The following EXTL1 variants were observed in gnomAD, a reference collection of about 807,000 sequenced individuals.
The protein encoded by EXTL1 is exostosin like glycosyltransferase 1, also known as exostosin-like 1.
Under a neutral mutation model 64.6 loss-of-function variants are expected in EXTL1, and 43 were observed. That is an observed-to-expected ratio of 0.67 (90% CI 0.52 to 0.86). EXTL1 has a LOEUF of 0.86. Ranked by LOEUF, EXTL1 falls within the 40% of genes least tolerant of loss-of-function variation. The pLI, the probability that EXTL1 is intolerant of heterozygous loss-of-function variation, is 0.00. For synonymous variants in EXTL1, 352 were observed against 360.5 expected (o/e 0.98, Z 0.27); for missense variants, 766 against 879.0 (o/e 0.87, Z 1.62).
Position 26,033,886 on chromosome 1 carries a change from G to T in EXTL1, c.1679+30G>T, listed in dbSNP as rs765780640. The T allele has an allele frequency of 1.3e-6, 2 of 1,584,466 alleles. No individual in the cohort carries two copies. Among genetic ancestry groups the T allele is most frequent in the Non-Finnish European group, 1.7e-6 (2 of 1,162,676 alleles). On this transcript the variant is annotated intron_variant, in intron 9 of 10. Transcript: ENST00000374280. This position sits in a 1 kb window ranked among gnomAD's most constrained non-coding sequence, Gnocchi z 5.1. ...AGACCCCTACCCTGCACAGGGATCAGAGTATCAGAGGACCAGAGACCCCAC... is the reference window on the plus strand; with the variant it reads ...AGACCCCTACCCTGCACAGGGATCATAGTATCAGAGGACCAGAGACCCCAC...
rs755487308 is a variant in EXTL1, at chr1:26,033,186, G to T, written c.1432-43G>T. 1 of 1,362,778 alleles carries T rather than the reference G, an allele frequency of 7.3e-7. No individual in the cohort carries two copies. Among genetic ancestry groups the T allele is most frequent in the Non-Finnish European group, 1.1e-6 (1 of 951,494 alleles). 84.4% of individuals were successfully genotyped at this position (1,362,778 alleles called of 1,614,324 possible). A position where few individuals can be genotyped will look rare whatever the true frequency, so the allele number is the denominator to read the frequency against. On this transcript the variant is annotated intron_variant, in intron 7 of 10. Coordinates refer to ENST00000374280, the MANE Select transcript of EXTL1 (RefSeq NM_004455.3). This position sits in a 1 kb window ranked among gnomAD's most constrained non-coding sequence, Gnocchi z 5.1. ...TCCTACTTATTGGATGGGGGTGGGG[G>T]GAATGTTCCAATGGCTGAGTTCCCC...
rs533030734 is a variant in EXTL1, at chr1:26,034,388, C to A, written c.1680-448C>A. Among the ~76,000 whole-genome samples the A allele has an allele frequency of 3.2e-4, 49 of 152,322 alleles. No homozygotes were observed. The highest frequency in any genetic ancestry group is 5.6e-4 in the Non-Finnish European group (38 of 68,042). ...TCTTATAGATTACTCAGGAGCTCTGCAGGGAATTCTCAGTAGAGTGAAGAA... is the reference window on the plus strand; with the variant it reads ...TCTTATAGATTACTCAGGAGCTCTGAAGGGAATTCTCAGTAGAGTGAAGAA... On this transcript the variant is annotated intron_variant, in intron 9 of 10. Transcript: ENST00000374280. This position sits in a 1 kb window ranked among gnomAD's most constrained non-coding sequence, Gnocchi z 4.6.
rs781485312 is a variant in EXTL1 at position 26,023,117 on chromosome 1, G to A, written c.471G>A (p.Arg157=). 8.7e-6 allele frequency: 14 copies of A among 1,613,800 alleles called. No homozygotes were observed. In the Middle Eastern group the frequency reaches 4.9e-4, roughly 57 times the overall value. ...TGCCTCTGCAATGGAACAGGGGCAG[G>A]AACCATCTGGTCCTCCGTCTCCACC... ...SSMPLQWNRG[R]NHLVLRLHPA... Residue 157 remains arginine, a synonymous_variant, in exon 1 of 11, where the codon AGG becomes AGA. Coordinates refer to ENST00000374280, the MANE Select transcript of EXTL1 (RefSeq NM_004455.3).
rs2050329417 is a variant in EXTL1, at chr1:26,035,428, T to C, written c.*81T>C. On this transcript the variant is annotated 3_prime_UTR_variant, in exon 11 of 11. Coordinates refer to ENST00000374280, the MANE Select transcript of EXTL1 (RefSeq NM_004455.3). The surrounding 1 kb of genome is among the most constrained non-coding windows in gnomAD (Gnocchi z 5.3). ...GGCGCCTGCCGGCGGGCTCCGCTCTTGGGACACCGGAGAACCTATCATGTC... is the reference window on the plus strand; with the variant it reads ...GGCGCCTGCCGGCGGGCTCCGCTCTCGGGACACCGGAGAACCTATCATGTC... 1 of 1,331,572 alleles carries C rather than the reference T, an allele frequency of 7.5e-7. No individual in the cohort carries two copies. Among genetic ancestry groups the C allele is most frequent in the Non-Finnish European group, 1.0e-6 (1 of 976,650 alleles). 82.5% of individuals were successfully genotyped at this position (1,331,572 alleles called of 1,614,324 possible). A position where few individuals can be genotyped will look rare whatever the true frequency, so the allele number is the denominator to read the frequency against.
chr1:26,033,737 G>A lies in EXTL1; in HGVS notation c.1560G>A (p.Arg520=). Residue 520 remains arginine, a synonymous_variant, in exon 9 of 11, where the codon CGG becomes CGA. Coordinates refer to ENST00000374280, the MANE Select transcript of EXTL1 (RefSeq NM_004455.3). This position sits in a 1 kb window ranked among gnomAD's most constrained non-coding sequence, Gnocchi z 5.1. ...AFLVWQSFPE[R]MVGFLTSSHF... ...TGGTGTGGCAGAGCTTCCCAGAGCG[G>A]ATGGTGGGCTTCCTGACGTCGAGCC... 1 of 1,614,196 alleles carries A rather than the reference G, an allele frequency of 6.2e-7. No individual in the cohort carries two copies. Among genetic ancestry groups the A allele is most frequent in the Non-Finnish European group, 8.5e-7 (1 of 1,180,016 alleles).
At chr1:26,029,068 T>C in intron 1 of EXTL1, 125 bp from the exon 2 acceptor site, 2 of 638,362 alleles carry the variant, frequency 3.1e-6, no homozygotes, top group East Asian at 5.4e-5. Context: ...CATGAGTGGG[T>C]TTACACATTT....
chr1:26,034,928 T>G lies in EXTL1; in HGVS notation c.1772T>G (p.Phe591Cys). The part of the protein sequence containing the change: ...APTCVDVLMN[F>C]IVAAVTKLPP... ...ACCTGTGTGGACGTCCTGATGAATT[T>G]CATAGTAGCAGCAGTCACCAAGCTG... Residue 591 changes from phenylalanine to cysteine, a missense_variant, in exon 10 of 11, where the codon TTC becomes TGC. By Grantham distance (205) the Phe-to-Cys change is radical (BLOSUM62 -2). Around this residue, in one of 3 missense-constraint regions of EXTL1, gnomAD observed 194 missense variants for 214.5 expected, o/e 0.90. Coordinates refer to ENST00000374280, the MANE Select transcript of EXTL1 (RefSeq NM_004455.3). This position sits in a 1 kb window ranked among gnomAD's most constrained non-coding sequence, Gnocchi z 4.6. 1 of 1,614,184 alleles carries G rather than the reference T, an allele frequency of 6.2e-7. No individual in the cohort carries two copies. The highest frequency in any genetic ancestry group is 8.5e-7 in the Non-Finnish European group (1 of 1,180,020).
rs183795287 is a variant in EXTL1 at position 26,026,343 on chromosome 1, G to A, written c.780-2850G>A. The stretch of plus-strand genomic sequence containing the variant: ...AAGTCTTTCTCTGTCACCCAGGCTG[G>A]AGTGCAATGGCACAATCTTGGCTCA... On this transcript the variant is annotated intron_variant, in intron 1 of 10. Coordinates refer to ENST00000374280, the MANE Select transcript of EXTL1 (RefSeq NM_004455.3). Among the ~76,000 whole-genome samples the A allele has an allele frequency of 3.8e-3, 557 of 147,902 alleles. 5 individuals are homozygous for A. Among genetic ancestry groups the A allele is most frequent in the African/African-American group, 0.013 (535 of 40,148 alleles).
rs1158097416 is a variant in EXTL1, at chr1:26,035,802, G to A, written c.*455G>A. On this transcript the variant is annotated 3_prime_UTR_variant, in exon 11 of 11. Coordinates refer to ENST00000374280, the MANE Select transcript of EXTL1 (RefSeq NM_004455.3). The surrounding 1 kb of genome is among the most constrained non-coding windows in gnomAD (Gnocchi z 5.3). ...GTGTCCTTTTCTCTCTGGCTAGGCAGGTGTGCCGCAAATATTTGACGAATA... is the reference window on the plus strand; with the variant it reads ...GTGTCCTTTTCTCTCTGGCTAGGCAAGTGTGCCGCAAATATTTGACGAATA... The A allele has an allele frequency of 6.2e-6, 1 of 160,832 alleles. No individual in the cohort carries two copies. The highest frequency in any genetic ancestry group is 1.4e-5 in the Non-Finnish European group (1 of 74,052). The allele number at this position is 160,832 out of a possible 1,614,324, so 10.0% of individuals were successfully genotyped here.
Position 26,025,707 on chromosome 1 carries a change from G to GA in EXTL1, c.779+2286dup, listed in dbSNP as rs2050207498. On this transcript the variant is annotated intron_variant, in intron 1 of 10. Transcript: ENST00000374280. The surrounding 1 kb of genome is among the most constrained non-coding windows in gnomAD (Gnocchi z 5.3). Reference sequence around the variant, plus strand: ...CCAAAGGCACAAAAGGGCATAGAGTGAAAAGCCTCCCTTCTATCCCTGTCT... The same window carrying GA: ...CCAAAGGCACAAAAGGGCATAGAGTGAAAAAGCCTCCCTTCTATCCCTGTCT... 1.3e-5 allele frequency among the ~76,000 whole-genome samples: 2 copies of GA among 152,226 alleles called. No homozygotes were observed. The highest frequency in any genetic ancestry group is 1.3e-4 in the Admixed American group (2 of 15,286).
At chr1:26,029,791 G>A in intron 3 of EXTL1, 84 bp downstream of exon 3, 1 of 847,248 alleles carries the variant, frequency 1.2e-6, no homozygotes, top group Non-Finnish European at 1.9e-6. Flanking sequence ...GCTGGCCTCA[G>A]TCCTCATTCC....
rs1446502335 is a variant in EXTL1 at position 26,023,020 on chromosome 1, C to A, written c.374C>A (p.Thr125Lys). Reference protein sequence around the residue: ...LASIEGSRFYTFSPAGACLLL... With the variant: ...LASIEGSRFYKFSPAGACLLL... ...TCCATTGAGGGCTCTCGCTTCTACA[C>A]ATTCAGCCCTGCTGGGGCCTGCCTC... Residue 125 changes from threonine (T) to lysine (K), a missense_variant, in exon 1 of 11, where the codon ACA (threonine) becomes AAA (lysine). By Grantham distance (78) the Thr-to-Lys change is moderately conservative. Coordinates refer to ENST00000374280, the MANE Select transcript of EXTL1 (RefSeq NM_004455.3). The A allele has an allele frequency of 6.2e-7, 1 of 1,614,204 alleles. No individual in the cohort carries two copies. The highest frequency in any genetic ancestry group is 8.5e-7 in the Non-Finnish European group (1 of 1,180,038).
chr1:26,032,367 G>A, intron 6 of EXTL1, 29 bp from the exon 7 acceptor site: 1 of 1,513,110 alleles, frequency 6.6e-7, no homozygotes, highest in Non-Finnish European at 9.0e-7. Flanking sequence ...CCAGATCCCA[G>A]ACTTCAAGAA....
Position 26,035,232 on chromosome 1 carries a change from C to A in EXTL1, c.1916C>A (p.Ala639Glu). The change falls in exon 11 of 11, where the codon GCG becomes GAG. Residue 639 changes from alanine (A) to glutamate (E), a missense_variant. Ala to Glu is a moderately radical substitution (Grantham distance 107, BLOSUM62 -1). Coordinates refer to ENST00000374280, the MANE Select transcript of EXTL1 (RefSeq NM_004455.3). This position sits in a 1 kb window ranked among gnomAD's most constrained non-coding sequence, Gnocchi z 5.3. ...GCCCCCGACTGCATCAACCAGATAGCGGCAGCGTTCGGCCACATGCCCTTG... is the reference window on the plus strand; with the variant it reads ...GCCCCCGACTGCATCAACCAGATAGAGGCAGCGTTCGGCCACATGCCCTTG... ...APAPDCINQI[A>E]AAFGHMPLLS... 1 of 1,613,574 alleles carries A rather than the reference C, an allele frequency of 6.2e-7. No individual in the cohort carries two copies. Among genetic ancestry groups the A allele is most frequent in the Non-Finnish European group, 8.5e-7 (1 of 1,179,894 alleles).
rs377394561 is a variant in EXTL1 at position 26,022,642 on chromosome 1, G to C, written c.-5G>C. ...GCTTCCCTAGCCCTGACTGTGGGTGGCCACATGCAGTCGTGGAGGAGAAGA... is the reference window on the plus strand; with the variant it reads ...GCTTCCCTAGCCCTGACTGTGGGTGCCCACATGCAGTCGTGGAGGAGAAGA... On this transcript the variant is annotated 5_prime_UTR_variant, in exon 1 of 11. Transcript: ENST00000374280. 62 of 1,575,818 alleles carry C rather than the reference G, an allele frequency of 3.9e-5. No homozygotes were observed. Among genetic ancestry groups the C allele is most frequent in the Non-Finnish European group, 4.9e-5 (57 of 1,159,318 alleles).
rs139313937 is a variant in EXTL1, at chr1:26,034,411, G to T, written c.1680-425G>T. On this transcript the variant is annotated intron_variant, in intron 9 of 10. Transcript: ENST00000374280. The surrounding 1 kb of genome is among the most constrained non-coding windows in gnomAD (Gnocchi z 4.6). ...TGCAGGGAATTCTCAGTAGAGTGAAGAATTACCTAATGTCTGCGAGATGAG... is the reference window on the plus strand; with the variant it reads ...TGCAGGGAATTCTCAGTAGAGTGAATAATTACCTAATGTCTGCGAGATGAG... Among the ~76,000 whole-genome samples, 3 of 152,332 alleles carry T rather than the reference G, an allele frequency of 2.0e-5. No homozygotes were observed. Among genetic ancestry groups the T allele is most frequent in the Admixed American group, 6.5e-5 (1 of 15,298 alleles).
chr1:26,022,977 C>T lies in EXTL1; in HGVS notation c.331C>T (p.His111Tyr). ...YPAVGTISET[H>Y]RRILASIEGS... Reference sequence around the variant, plus strand: ...AGCGGTTGGAACCATCTCTGAGACTCATCGCAGGATCCTGGCTTCCATTGA... The same window carrying T: ...AGCGGTTGGAACCATCTCTGAGACTTATCGCAGGATCCTGGCTTCCATTGA... The change falls in exon 1 of 11, where the codon CAT becomes TAT. Residue 111 changes from histidine to tyrosine, a missense_variant. His to Tyr is a moderately conservative substitution (Grantham distance 83, BLOSUM62 2). This residue lies in a region of EXTL1 where 571 missense variants were observed against 647.6 expected (regional missense o/e 0.88). Coordinates refer to ENST00000374280, the MANE Select transcript of EXTL1 (RefSeq NM_004455.3). 1 of 1,614,180 alleles carries T rather than the reference C, an allele frequency of 6.2e-7. No homozygotes were observed. Among genetic ancestry groups the T allele is most frequent in the South Asian group, 1.1e-5 (1 of 91,082 alleles).
At chr1:26,032,758 T>G (rs2050301790) in intron 7 of EXTL1, among the ~76,000 whole-genome samples, 1 of 152,106 alleles carries the variant, frequency 6.6e-6, no homozygotes, top group African/African-American at 2.4e-5. Context: ...ACCCAGGTTC[T>G]TGAGAAAATA....
intron 2 of EXTL1, 59 bp from the exon 3 acceptor site, chr1:26,029,541 C>T (rs1006622612): frequency 5.0e-5 from 51 of 1,020,458 alleles, no homozygotes; most frequent in African/African-American, 2.8e-4. Context: ...TGGAACTGGG[C>T]GGGGGGTGAG....
Sources: gnomAD v4.1 joint callset for allele counts (sites outside exome capture counted in the v4.1 genomes callset) on GRCh38, gnomAD v4.1.1 for gene constraint, gnomAD v4.1.1 regional missense constraint, Gnocchi (gnomAD v3.1) non-coding constraint, MANE v1.5 for transcripts, NCBI Gene and HGNC (gene_info 2026-07-23, HGNC 2026-07-21) for gene names.